The following ASXL3 variants were observed in gnomAD, a reference collection of about 807,000 sequenced individuals.
ASXL3 encodes putative Polycomb group protein ASXL3.
ASXL3 carries 34 observed loss-of-function variants against 170.6 expected under a neutral mutation model. That is an observed-to-expected ratio of 0.20 (90% confidence interval 0.15 to 0.27). ASXL3 has a LOEUF of 0.27. Ranked by LOEUF, ASXL3 falls within the 10% of genes least tolerant of loss-of-function variation. ASXL3 has a pLI of 1.00. For synonymous variants in ASXL3, 1,002 were observed against 989.1 expected, an observed-to-expected ratio of 1.01 and a Z score of -0.24; for missense variants, 2,592 against 2,695.3, an observed-to-expected ratio of 0.96 and a Z score of 0.85.
At chr18:33,638,990 A>G (rs2065809402) in intron 2 of ASXL3, among the ~76,000 whole-genome samples, 1 of 152,184 alleles carries the variant, frequency 6.6e-6, no homozygotes, top group Non-Finnish European at 1.5e-5. Context: ...TGAGATGAAA[A>G]TGAAATTAGA....
rs2067803916 is a variant in ASXL3, at chr18:33,746,879, T to A, written c.*284T>A. 1 of 338,920 alleles carries A rather than the reference T, an allele frequency of 3.0e-6. No homozygotes were observed. The highest frequency in any genetic ancestry group is 5.2e-6 in the Non-Finnish European group (1 of 193,220). 21.0% of individuals were successfully genotyped at this position (338,920 alleles called of 1,614,324 possible). On this transcript the variant is annotated 3_prime_UTR_variant, in exon 12 of 12. Coordinates refer to ENST00000269197, the MANE Select transcript of ASXL3 (RefSeq NM_030632.3). ...TACAAGTCAATGCCCCATTTTTGTT[T>A]TTCTTTTAACCGAGGTGTAGATAGG... is the stretch of plus-strand genomic sequence containing the variant.
rs1304949205 is a variant in ASXL3, at chr18:33,747,787, G to T, written c.*1192G>T. On this transcript the variant is annotated 3_prime_UTR_variant, in exon 12 of 12. Transcript: ENST00000269197. ...TGGCATGTTTTGTTTTTTCCCTCAGGTATATTCAATACATTCTTCATATTT... is the reference window on the plus strand; with the variant it reads ...TGGCATGTTTTGTTTTTTCCCTCAGTTATATTCAATACATTCTTCATATTT... 1.3e-5 allele frequency: 2 copies of T among 151,972 alleles called. No homozygotes were observed. The highest frequency in any genetic ancestry group is 2.9e-5 in the Non-Finnish European group (2 of 68,002). The allele number at this position is 151,972 out of a possible 1,614,324, so 9.4% of individuals were successfully genotyped here.
At chr18:33,697,869 T>G (rs1445273631) in intron 8 of ASXL3, among the ~76,000 whole-genome samples, 3 of 152,052 alleles carry the variant, frequency 2.0e-5, no homozygotes, top group Non-Finnish European at 1.5e-5. Context: ...TAGAAAACAT[T>G]CAGCTGAAGA....
At chr18:33,620,550 C>A (rs531357253) in intron 2 of ASXL3, among the ~76,000 whole-genome samples, 3 of 152,004 alleles carry the variant, frequency 2.0e-5, no homozygotes, top group Non-Finnish European at 4.4e-5. Flanking sequence ...TTTAACTTTT[C>A]GAAATTTTAA....
chr18:33,713,591 A>G (rs145500905), intron 8 of ASXL3, among the ~76,000 whole-genome samples: 28 of 152,142 alleles, frequency 1.8e-4, no homozygotes, highest in African/African-American at 6.3e-4. Flanking sequence ...AATATATGTC[A>G]TATATTATGT....
At chr18:33,660,791 A>C (rs772883389) in intron 4 of ASXL3, among the ~76,000 whole-genome samples, 7 of 152,156 alleles carry the variant, frequency 4.6e-5, no homozygotes, top group Non-Finnish European at 8.8e-5. Context: ...TCTCAGTTTG[A>C]GAAGGAGTCA....
rs972558116 is a variant in ASXL3 at position 33,744,799 on chromosome 18, A to G, written c.4951A>G (p.Asn1651Asp). 1.2e-6 allele frequency: 2 copies of G among 1,614,050 alleles called. No individual in the cohort carries two copies. The change falls in exon 12 of 12, where the codon AAC becomes GAC. Residue 1651 changes from asparagine to aspartate, a missense_variant. Coordinates refer to ENST00000269197, the MANE Select transcript of ASXL3 (RefSeq NM_030632.3). ...AIKTEHANYLNVSELHPRNLV... is the reference protein window; with the variant it reads ...AIKTEHANYLDVSELHPRNLV... ...CAAAACTGAACATGCCAACTACTTGAACGTGTCAGAACTTCATCCCAGGAA... is the reference window on the plus strand; with the variant it reads ...CAAAACTGAACATGCCAACTACTTGGACGTGTCAGAACTTCATCCCAGGAA...
intron 7 of ASXL3, among the ~76,000 whole-genome samples, chr18:33,678,730 A>T (rs909526064): frequency 1.2e-4 from 18 of 152,144 alleles, no homozygotes; most frequent in African/African-American, 4.3e-4. Flanking sequence ...TACTATAGGG[A>T]GATATGAGGT....
At chr18:33,621,422 A>G (rs1268037281) in intron 2 of ASXL3, among the ~76,000 whole-genome samples, 1 of 152,196 alleles carries the variant, frequency 6.6e-6, no homozygotes, top group East Asian at 1.9e-4. Flanking sequence ...GGGTTTGGCC[A>G]TTGAAAGGAA....
intron 7 of ASXL3, among the ~76,000 whole-genome samples, chr18:33,672,458 C>A (rs1306203383): frequency 3.3e-5 from 5 of 152,100 alleles, no homozygotes; most frequent in African/African-American, 1.2e-4. Context: ...TCATCAGGAA[C>A]CCCCAACAGC....
intron 7 of ASXL3, among the ~76,000 whole-genome samples, chr18:33,674,526 C>A (rs111538666): frequency 5.9e-5 from 9 of 151,976 alleles, no homozygotes; most frequent in Non-Finnish European, 1.2e-4. Flanking sequence ...GTAGTACTTT[C>A]AAAGTTTCCA....
At chr18:33,614,980 G>T (rs137989946) in intron 2 of ASXL3, 2 of 151,966 alleles carry the variant, frequency 1.3e-5, no homozygotes, top group Admixed American at 6.6e-5. Context: ...TGGGATTTCC[G>T]AAATGCTAAA....
Position 33,640,665 on chromosome 18 carries a change from C to G in ASXL3, c.138-4229C>G, listed in dbSNP as rs1387321434. Among the ~76,000 whole-genome samples, 4 of 152,184 alleles carry G rather than the reference C, an allele frequency of 2.6e-5. No individual in the cohort carries two copies. The East Asian group carries it at 7.7e-4, about 29-fold the overall frequency. On this transcript the variant is annotated intron_variant, in intron 2 of 11. Transcript: ENST00000269197. ...TCAAGAATTAAAATGTTACTTGCAC[C>G]TGAGACCCACCTAACTTACTCTTAA...
intron 10 of ASXL3, among the ~76,000 whole-genome samples, chr18:33,737,420 C>T (rs989157324): frequency 1.3e-5 from 2 of 152,088 alleles, no homozygotes; most frequent in Non-Finnish European, 2.9e-5. Flanking sequence ...ATTGCCTTTA[C>T]GCTAATTTAA....
intron 4 of ASXL3, among the ~76,000 whole-genome samples, chr18:33,650,763 T>G (rs538263457): frequency 6.6e-6 from 1 of 152,252 alleles, no homozygotes; most frequent in African/African-American, 2.4e-5. Context: ...ATTCGGGAAA[T>G]TACTTTGGGA....
chr18:33,605,289 T>C (rs1036497198), intron 1 of ASXL3: 5 of 152,076 alleles, frequency 3.3e-5, no homozygotes, highest in African/African-American at 9.7e-5. Flanking sequence ...CTCTGCCATG[T>C]GTCACATTAT....
rs756616078 is a variant in ASXL3 at position 33,739,259 on chromosome 18, G to A, written c.1855G>A (p.Glu619Lys). The change falls in exon 11 of 12, where the codon GAG (glutamate) becomes AAG (lysine). Residue 619 changes from glutamate (E) to lysine (K), a missense_variant. Glu to Lys is a moderately conservative substitution (Grantham distance 56). Coordinates refer to ENST00000269197, the MANE Select transcript of ASXL3 (RefSeq NM_030632.3). ...SETSFSSESP[E>K]GACTSLPSPG... is the part of the protein sequence containing the mutation. ...AACGTCCTTTTCTTCTGAGAGCCCA[G>A]AGGGAGCCTGTACCAGCCTGCCTTC... is the stretch of plus-strand genomic sequence containing the variant. The A allele has an allele frequency of 6.2e-7, 1 of 1,613,802 alleles. No homozygotes were observed. Among genetic ancestry groups the A allele is most frequent in the East Asian group, 2.2e-5 (1 of 44,874 alleles).
At chr18:33,607,794 C>A in intron 2 of ASXL3, 118 bp downstream of exon 2, 1 of 763,108 alleles carries the variant, frequency 1.3e-6, no homozygotes, top group East Asian at 2.7e-5. Context: ...TAACTCCCCA[C>A]AAATTCTTTC....
At chr18:33,644,592 T>A (rs1412255225) in intron 2 of ASXL3, among the ~76,000 whole-genome samples, 1 of 151,366 alleles carries the variant, frequency 6.6e-6, no homozygotes, top group East Asian at 2.0e-4. Context: ...TGGGCTTTGG[T>A]TTCTGTAAAA....
Sources: gnomAD v4.1 joint callset for allele counts (sites outside exome capture counted in the v4.1 genomes callset) on GRCh38, gnomAD v4.1.1 for gene constraint, MANE v1.5 for transcripts, NCBI Gene and HGNC (gene_info 2026-07-23, HGNC 2026-07-21) for gene names.